The following RPAP2 variants were observed in gnomAD, a reference collection of about 807,000 sequenced individuals.
The protein encoded by RPAP2 is RNA polymerase II associated protein 2, also known as putative RNA polymerase II subunit B1 CTD phosphatase RPAP2.
RPAP2 carries 52 observed loss-of-function variants against 73.1 expected under a neutral mutation model. The ratio of observed to expected loss-of-function variants is 0.71; its 90% CI spans 0.57 to 0.90. RPAP2 has a LOEUF of 0.90. Among genes scored for constraint, RPAP2 ranks in the 40% least tolerant of loss-of-function variants. RPAP2 has a pLI of 0.00. For synonymous variants in RPAP2, 225 were observed against 242.1 expected (o/e 0.93, Z 0.65); for missense variants, 598 against 701.8 (o/e 0.85, Z 1.67).
At chr1:92,309,346 G>A (rs1242184513) in intron 6 of RPAP2, among the ~76,000 whole-genome samples, 1 of 151,302 alleles carries the variant, frequency 6.6e-6, no homozygotes, top group Non-Finnish European at 1.5e-5. Flanking sequence ...GGAGGCTGAG[G>A]TAGGAGAATT....
intron 6 of RPAP2, among the ~76,000 whole-genome samples, chr1:92,320,387 C>T (rs189066088): frequency 5.1e-3 from 773 of 152,266 alleles, no homozygotes; most frequent in African/African-American, 0.017. Context: ...ATTCTCCTGC[C>T]TCAGCCTCCT....
chr1:92,348,677 T>C (rs1223505706), intron 11 of RPAP2, among the ~76,000 whole-genome samples: 1 of 152,240 alleles, frequency 6.6e-6, no homozygotes, highest in Non-Finnish European at 1.5e-5. Flanking sequence ...ATAGACTTTT[T>C]TTATCTCCAA....
intron 10 of RPAP2, among the ~76,000 whole-genome samples, chr1:92,341,648 A>G (rs1653599269): frequency 6.6e-6 from 1 of 152,180 alleles, no homozygotes; most frequent in African/African-American, 2.4e-5. Context: ...TATAATAGAA[A>G]AGGAAATACT....
At chr1:92,320,474 T>C in intron 6 of RPAP2, 125 bp from the exon 7 acceptor site, 1 of 631,542 alleles carries the variant, frequency 1.6e-6, no homozygotes, top group Non-Finnish European at 2.9e-6. Context: ...GGTTTCACCA[T>C]GTTGGCCAGG....
chr1:92,317,508 AAAAAAT>A (rs1010233939), intron 6 of RPAP2, among the ~76,000 whole-genome samples: 8 of 152,208 alleles, frequency 5.3e-5, no homozygotes, highest in Non-Finnish European at 8.8e-5. Context: ...TCTGTCTCAA[AAAAAAT>A]AAAAATAAAA....
chr1:92,332,674 A>G (rs1653041477), intron 8 of RPAP2, among the ~76,000 whole-genome samples: 1 of 152,090 alleles, frequency 6.6e-6, no homozygotes, highest in Admixed American at 6.5e-5. Context: ...TCTATTTCCT[A>G]TTCTTACTGT....
At chr1:92,338,466 A>C (rs571191013) in intron 10 of RPAP2, among the ~76,000 whole-genome samples, 59 of 152,288 alleles carry the variant, frequency 3.9e-4, no homozygotes, top group Non-Finnish European at 6.6e-4. Context: ...ATGCATCCAA[A>C]AGGAGATAAA....
chr1:92,377,140 A>C (rs1338746040), intron 11 of RPAP2, among the ~76,000 whole-genome samples: 1 of 152,166 alleles, frequency 6.6e-6, no homozygotes, highest in East Asian at 1.9e-4. Flanking sequence ...TAGTATTATC[A>C]GCCCCATTTT....
At chr1:92,314,906 A>G (rs1019797296) in intron 6 of RPAP2, among the ~76,000 whole-genome samples, 4 of 145,942 alleles carry the variant, frequency 2.7e-5, no homozygotes, top group African/African-American at 1.0e-4. Context: ...TTAACCGGGC[A>G]TGGTGGCTCA....
rs987760456 is a variant in RPAP2 at position 92,304,953 on chromosome 1, G to C, written c.399+604G>C. On this transcript the variant is annotated intron_variant, in intron 5 of 12. Transcript: ENST00000610020. The stretch of plus-strand genomic sequence containing the variant: ...GGAGTTGGAGGCCAGCCTGGGCAAC[G>C]GCAAAACCCTGTCTCTACAAAAAGT... Among the ~76,000 whole-genome samples the C allele has an allele frequency of 4.6e-5, 7 of 151,750 alleles. No homozygotes were observed. In the East Asian group the frequency reaches 1.4e-3, roughly 30 times the overall value.
At chr1:92,313,951 C>T (rs573822303) in intron 6 of RPAP2, among the ~76,000 whole-genome samples, 46 of 152,336 alleles carry the variant, frequency 3.0e-4, no homozygotes, top group Non-Finnish European at 4.9e-4. Context: ...TCTTCTGCAG[C>T]TTCCTCACCT....
rs752769165 is a variant in RPAP2, at chr1:92,399,286, G to A, written c.*12275G>A. On this transcript the variant is annotated 3_prime_UTR_variant, in exon 13 of 13. Coordinates refer to ENST00000610020, the MANE Select transcript of RPAP2 (RefSeq NM_024813.3). ...TTCAGGAAATTCTGGACTCCCTTGGGGCTTGCAAAACTCCCTATGTCTTGC... is the reference window on the plus strand; with the variant it reads ...TTCAGGAAATTCTGGACTCCCTTGGAGCTTGCAAAACTCCCTATGTCTTGC... The A allele has an allele frequency of 4.6e-5, 7 of 152,144 alleles. No individual in the cohort carries two copies. Among genetic ancestry groups the A allele is most frequent in the Non-Finnish European group, 7.3e-5 (5 of 68,048 alleles). 9.4% of individuals were successfully genotyped at this position (152,144 alleles called of 1,614,324 possible). A position where few individuals can be genotyped will look rare whatever the true frequency, so the allele number is the denominator to read the frequency against.
intron 11 of RPAP2, 123 bp downstream of exon 11, chr1:92,346,037 CT>C (rs1280196223): frequency 1.4e-5 from 8 of 575,288 alleles, no homozygotes; most frequent in Non-Finnish European, 1.8e-5. Flanking sequence ...TATTTTGTGC[CT>C]TATTTTCCTT....
At chr1:92,317,204 T>A (rs1173364387) in intron 6 of RPAP2, among the ~76,000 whole-genome samples, 1 of 152,164 alleles carries the variant, frequency 6.6e-6, no homozygotes, top group Admixed American at 6.5e-5. Context: ...TTCGGTTTCC[T>A]CATCTATAAA....
rs72960828 is a variant in RPAP2 at position 92,374,221 on chromosome 1, G to A, written c.1689-6503G>A. 9.9e-3 allele frequency among the ~76,000 whole-genome samples: 1,508 copies of A among 152,220 alleles called. 24 individuals carry two copies. Among genetic ancestry groups the A allele is most frequent in the African/African-American group, 0.035 (1,444 of 41,520 alleles). On this transcript the variant is annotated intron_variant, in intron 11 of 12. Transcript: ENST00000610020. The stretch of plus-strand genomic sequence containing the variant: ...GTAGGAGAAAAACCATGACTAAGAG[G>A]AGGAGAATTCTAGGAAGGGAGGAAG...
At chr1:92,307,401 G>A in intron 6 of RPAP2, 125 bp downstream of exon 6, 1 of 591,432 alleles carries the variant, frequency 1.7e-6, no homozygotes, top group Non-Finnish European at 2.9e-6. Context: ...TACTTTATGG[G>A]GAAATGGTTA....
rs190214568 is a variant in RPAP2 at position 92,399,234 on chromosome 1, A to G, written c.*12223A>G. On this transcript the variant is annotated 3_prime_UTR_variant, in exon 13 of 13. Coordinates refer to ENST00000610020, the MANE Select transcript of RPAP2 (RefSeq NM_024813.3). Reference sequence around the variant, plus strand: ...GGACAATATTGCATGACTTCAGAAGAAAGCCATCCAGCCACCTTGCAACAT... The same window carrying G: ...GGACAATATTGCATGACTTCAGAAGGAAGCCATCCAGCCACCTTGCAACAT... 2.6e-5 allele frequency: 4 copies of G among 152,366 alleles called. No homozygotes were observed. The highest frequency in any genetic ancestry group is 2.1e-4 in the South Asian group (1 of 4,830). 9.4% of individuals were successfully genotyped at this position (152,366 alleles called of 1,614,324 possible). A position where few individuals can be genotyped will look rare whatever the true frequency, so the allele number is the denominator to read the frequency against.
intron 11 of RPAP2, among the ~76,000 whole-genome samples, chr1:92,364,270 C>T (rs984646150): frequency 6.6e-6 from 1 of 152,096 alleles, no homozygotes; most frequent in African/African-American, 2.4e-5. Context: ...CAGATTGCAA[C>T]ATTTATCTCA....
At chr1:92,353,771 T>C (rs1654330459) in intron 11 of RPAP2, among the ~76,000 whole-genome samples, 1 of 152,222 alleles carries the variant, frequency 6.6e-6, no homozygotes, top group Non-Finnish European at 1.5e-5. Flanking sequence ...CCCATACTTA[T>C]TGCTGAGAGT....
Sources: gnomAD v4.1 joint callset for allele counts (sites outside exome capture counted in the v4.1 genomes callset) on GRCh38, gnomAD v4.1.1 for gene constraint, MANE v1.5 for transcripts, NCBI Gene and HGNC (gene_info 2026-07-23, HGNC 2026-07-21) for gene names.